LIMCH1: variants seen among roughly 807,000 people sequenced by gnomAD.
LIMCH1 encodes the protein LIM and calponin homology domains 1, also known as LIM and calponin homology domains-containing protein 1.
In LIMCH1, 113 loss-of-function variants were observed where a neutral mutation model predicts 176.5. The observed-to-expected ratio is 0.64, with a 90% CI of 0.55 to 0.75. LIMCH1 has a LOEUF of 0.75. Among genes scored for constraint, LIMCH1 ranks in the 30% least tolerant of loss-of-function variants. The pLI is 0.00. For synonymous variants in LIMCH1, 619 were observed against 645.9 expected (o/e 0.96, Z 0.63); for missense variants, 1,674 against 1,814.9 (o/e 0.92, Z 1.41).
chr4:41,370,399 A>C (rs1389658319), intron 1 of LIMCH1, among the ~76,000 whole-genome samples: 1 of 152,172 alleles, frequency 6.6e-6, no homozygotes, highest in East Asian at 1.9e-4. Flanking sequence ...AAAAAACCCA[A>C]AATAACTGAC....
rs963988740 is a variant in LIMCH1, at chr4:41,432,065, C to T, written c.97-62471C>T. On this transcript the variant is annotated intron_variant, in intron 1 of 26. Coordinates refer to the LIMCH1 transcript ENST00000313860. ...TAGGCTAGGATGTTAAATAATTTGTCCAAGGCAGTATACTTAGTAAGATTA... is the reference window on the plus strand; with the variant it reads ...TAGGCTAGGATGTTAAATAATTTGTTCAAGGCAGTATACTTAGTAAGATTA... Among the ~76,000 whole-genome samples the T allele has an allele frequency of 2.0e-5, 3 of 152,234 alleles. No homozygotes were observed. The East Asian group carries it at 5.8e-4, about 29-fold the overall frequency.
rs377261561 is a variant in LIMCH1, at chr4:41,607,839, C to G, written c.9+1835C>G. ...AAGTAGTATCCCTGGATACATGACT[C>G]TTAGCAAAAATGGCCAGCCATGATA... On this transcript the variant is annotated intron_variant, in intron 4 of 31. Transcript: ENST00000503057. Among the ~76,000 whole-genome samples the G allele has an allele frequency of 1.8e-3, 279 of 152,266 alleles. 1 individual carries two copies. Among genetic ancestry groups the G allele is most frequent in the African/African-American group, 6.5e-3 (270 of 41,554 alleles).
At chr4:41,656,550 CA>C (rs899888558) in intron 18 of LIMCH1, among the ~76,000 whole-genome samples, 7 of 151,350 alleles carry the variant, frequency 4.6e-5, no homozygotes, top group African/African-American at 9.7e-5. Flanking sequence ...AAGTTTAGTA[CA>C]AAAAAAAGTT....
At chr4:41,557,590 G>T (rs945955168) in intron 1 of LIMCH1, among the ~76,000 whole-genome samples, 1 of 143,122 alleles carries the variant, frequency 7.0e-6, no homozygotes, top group Admixed American at 6.9e-5. Context: ...AGAATGATGA[G>T]GAGAATTCTT....
rs746835312 is a variant in LIMCH1, at chr4:41,644,523, G to A, written c.2150G>A (p.Arg717Gln). 6.3e-7 allele frequency: 1 copy of A among 1,585,530 alleles called. No individual in the cohort carries two copies. ...AGGAGCACCAGCATGTTTGACATGC[G>A]GTGTGAGGAGGAGGCCGCGGTGCAG... ...DAESTSMFDM[R>Q]CEEEAAVQPH... Residue 717 changes from arginine to glutamine, a missense_variant, in exon 15 of 32, where the codon CGG (arginine) becomes CAG (glutamine). This residue lies in a region of LIMCH1 where 1,015 missense variants were observed against 1,102.5 expected (regional missense o/e 0.92). Coordinates refer to ENST00000503057, the MANE Select transcript of LIMCH1 (RefSeq NM_001330672.2).
intron 1 of LIMCH1, among the ~76,000 whole-genome samples, chr4:41,451,354 G>A (rs1341432806): frequency 6.6e-6 from 1 of 151,090 alleles, no homozygotes; most frequent in Admixed American, 6.6e-5. Context: ...TCAAACTCCT[G>A]ACCTCAGGTA....
intron 1 of LIMCH1, among the ~76,000 whole-genome samples, chr4:41,546,873 G>A (rs1041134156): frequency 2.6e-5 from 4 of 152,002 alleles, no homozygotes; most frequent in African/African-American, 9.7e-5. Context: ...GAGAGAGAAA[G>A]AGAGAGAGAG....
chr4:41,407,526 G>C (rs1280856858), intron 1 of LIMCH1, among the ~76,000 whole-genome samples: 1 of 152,206 alleles, frequency 6.6e-6, no homozygotes, highest in Non-Finnish European at 1.5e-5. Context: ...CACTGCACCT[G>C]GCCCCCCATC....
At chr4:41,384,500 G>A (rs928353739) in intron 1 of LIMCH1, among the ~76,000 whole-genome samples, 16 of 152,166 alleles carry the variant, frequency 1.1e-4, no homozygotes, top group African/African-American at 3.9e-4. Flanking sequence ...GAGCCACCGC[G>A]CCCGGCCTAC....
At chr4:41,647,249 G>A (rs2094104836) in intron 17 of LIMCH1, among the ~76,000 whole-genome samples, 1 of 152,146 alleles carries the variant, frequency 6.6e-6, no homozygotes, top group African/African-American at 2.4e-5. Context: ...AGGAGGTATG[G>A]CAGACTCCTC....
At chr4:41,591,695 T>C (rs1051975348) in intron 1 of LIMCH1, among the ~76,000 whole-genome samples, 1 of 152,250 alleles carries the variant, frequency 6.6e-6, no homozygotes, top group African/African-American at 2.4e-5. Context: ...TATATGTATA[T>C]ATTGCATTTT....
At chr4:41,422,734 G>C (rs1194261990) in intron 1 of LIMCH1, among the ~76,000 whole-genome samples, 1 of 151,960 alleles carries the variant, frequency 6.6e-6, no homozygotes, top group Non-Finnish European at 1.5e-5. Context: ...TAGCAGATAC[G>C]GACATTTCTT....
intron 2 of LIMCH1, among the ~76,000 whole-genome samples, chr4:41,521,330 G>A (rs778357904): frequency 3.9e-5 from 6 of 152,110 alleles, no homozygotes; most frequent in Non-Finnish European, 7.3e-5. Flanking sequence ...TACAAAAATG[G>A]TGGGACACAT....
At chr4:41,548,216 T>C (rs2079873222) in intron 1 of LIMCH1, among the ~76,000 whole-genome samples, 1 of 152,098 alleles carries the variant, frequency 6.6e-6, no homozygotes, top group Non-Finnish European at 1.5e-5. Flanking sequence ...AATCTTACCA[T>C]GAGGCCCTGA....
At chr4:41,399,992 C>T (rs1214512562) in intron 1 of LIMCH1, among the ~76,000 whole-genome samples, 1 of 150,698 alleles carries the variant, frequency 6.6e-6, no homozygotes, top group African/African-American at 2.4e-5. Context: ...GAGGTGGATA[C>T]TCTTTTCATT....
At chr4:41,396,793 C>T (rs1221640647) in intron 1 of LIMCH1, among the ~76,000 whole-genome samples, 1 of 151,926 alleles carries the variant, frequency 6.6e-6, no homozygotes, top group Non-Finnish European at 1.5e-5. Context: ...ATCCCAACTA[C>T]TTGGGAGGGT....
intron 29 of LIMCH1, among the ~76,000 whole-genome samples, 177 bp from the exon 30 acceptor site, chr4:41,689,350 C>T (rs1180669863): frequency 6.6e-6 from 1 of 152,138 alleles, no homozygotes; most frequent in African/African-American, 2.4e-5. Context: ...AGTTGTTTGC[C>T]ATTTATATCT....
chr4:41,526,873 T>C (rs1396833462), intron 3 of LIMCH1, among the ~76,000 whole-genome samples: 2 of 152,232 alleles, frequency 1.3e-5, no homozygotes, highest in African/African-American at 4.8e-5. Context: ...TGTCTGCATT[T>C]CCTTGGCCAC....
rs56174007 is a variant in LIMCH1, at chr4:41,399,685, C to CTTT, written c.96+38762_96+38764dup. Reference sequence around the variant, plus strand: ...GTAACAATCCTATGAGGTGGATACTCTTTTTTTTTTTTTTTGAGATGGAGT... The same window carrying CTTT: ...GTAACAATCCTATGAGGTGGATACTCTTTTTTTTTTTTTTTTTTGAGATGGAGT... On this transcript the variant is annotated intron_variant, in intron 1 of 26. Transcript: ENST00000313860. Among the ~76,000 whole-genome samples, 22 of 95,784 alleles carry CTTT rather than the reference C, an allele frequency of 2.3e-4. 3 individuals are homozygous for CTTT. The highest frequency in any genetic ancestry group is 5.5e-4 in the Admixed American group (4 of 7,258). The allele number at this position is 95,784 out of a possible 152,430, so 62.8% of individuals were successfully genotyped here. A position where few individuals can be genotyped will look rare whatever the true frequency, so the allele number is the denominator to read the frequency against.
Sources: gnomAD v4.1 joint callset for allele counts (sites outside exome capture counted in the v4.1 genomes callset) on GRCh38, gnomAD v4.1.1 for gene constraint, gnomAD v4.1.1 regional missense constraint, MANE v1.5 for transcripts, NCBI Gene and HGNC (gene_info 2026-07-23, HGNC 2026-07-21) for gene names.